Variants in ERBB4 observed in about 807,000 individuals in gnomAD.
ERBB4 encodes receptor tyrosine-protein kinase erbB-4.
A neutral mutation model predicts 158.0 loss-of-function variants in ERBB4; 42 were observed. That is an observed-to-expected ratio of 0.27 (90% CI 0.21 to 0.34). ERBB4 has a LOEUF of 0.34. Among genes scored for constraint, ERBB4 ranks in the 10% least tolerant of loss-of-function variants. ERBB4 has a pLI of 1.00. For missense variants in ERBB4, 1,333 were observed against 1,624.1 expected (o/e 0.82, Z 3.08); for synonymous variants, 583 against 558.7 (o/e 1.04, Z -0.61).
chr2:212,352,643 G>A (rs2089301305), intron 1 of ERBB4, among the ~76,000 whole-genome samples: 1 of 152,204 alleles, frequency 6.6e-6, no homozygotes, highest in African/African-American at 2.4e-5. Context: ...TGAGACGGGA[G>A]GATCACAGGA....
intron 3 of ERBB4, among the ~76,000 whole-genome samples, chr2:211,867,496 C>T (rs1256747027): frequency 6.6e-6 from 1 of 152,148 alleles, no homozygotes; most frequent in Non-Finnish European, 1.5e-5. Flanking sequence ...AGTTTACAAA[C>T]TTCAGTGGCA....
At chr2:211,415,512 A>C (rs1029758474) in intron 25 of ERBB4, among the ~76,000 whole-genome samples, 2 of 152,204 alleles carry the variant, frequency 1.3e-5, no homozygotes, top group African/African-American at 2.4e-5. Flanking sequence ...ACATAGCAAA[A>C]TATAATAAAT....
intron 19 of ERBB4, among the ~76,000 whole-genome samples, chr2:211,567,126 A>T (rs2067572174): frequency 6.6e-6 from 1 of 152,218 alleles, no homozygotes; most frequent in African/African-American, 2.4e-5. Context: ...ATTAATTCTC[A>T]GCTGCAAAAT....
At chr2:212,018,885 G>C (rs773798252) in intron 2 of ERBB4, among the ~76,000 whole-genome samples, 1 of 152,060 alleles carries the variant, frequency 6.6e-6, no homozygotes, top group Admixed American at 6.6e-5. Context: ...ATTTACAAAG[G>C]CATGCACAAA....
intron 1 of ERBB4, among the ~76,000 whole-genome samples, chr2:212,233,430 A>G (rs909174168): frequency 3.3e-5 from 5 of 152,162 alleles, no homozygotes; most frequent in Non-Finnish European, 7.4e-5. Context: ...TATTTTCAAA[A>G]TTTTAATTCC....
intron 1 of ERBB4, among the ~76,000 whole-genome samples, chr2:212,318,713 T>TTA (rs1421942512): frequency 6.6e-6 from 1 of 151,558 alleles, no homozygotes; most frequent in Non-Finnish European, 1.5e-5. Flanking sequence ...TGTTACTAAG[T>TTA]TATATTAATA....
intron 7 of ERBB4, among the ~76,000 whole-genome samples, chr2:211,716,115 C>G (rs751397028): frequency 6.6e-6 from 1 of 152,114 alleles, no homozygotes; most frequent in African/African-American, 2.4e-5. Flanking sequence ...GTAATCCCAG[C>G]ACTTTGGGAG....
intron 1 of ERBB4, among the ~76,000 whole-genome samples, chr2:212,243,751 A>G (rs2084204458): frequency 6.6e-6 from 1 of 152,212 alleles, no homozygotes; most frequent in African/African-American, 2.4e-5. Flanking sequence ...TACATAAGAT[A>G]TCAAATGATG....
At chr2:211,666,633 G>T (rs531826628) in intron 14 of ERBB4, among the ~76,000 whole-genome samples, 4 of 152,074 alleles carry the variant, frequency 2.6e-5, no homozygotes, top group African/African-American at 9.7e-5. Context: ...AGACTTCCCC[G>T]ATGCTTTCAT....
At chr2:212,120,090 GTGTAGGAAACAGAAA>G (rs2079701077) in intron 2 of ERBB4, among the ~76,000 whole-genome samples, 1 of 152,156 alleles carries the variant, frequency 6.6e-6, no homozygotes, top group African/African-American at 2.4e-5. Context: ...ATCAGAAGTA[GTGTAGGAAACAGAAA>G]TGAATGGTTC....
rs747093464 is a variant in ERBB4, at chr2:211,702,078, T to G, written c.1378A>C (p.Ile460Leu). Reference protein sequence around the residue: ...LKEISAGNIYITDNSNLCYYH... With the variant: ...LKEISAGNIYLTDNSNLCYYH... ...TAACACAGGTTGCTGTTGTCAGTAA[T>G]ATAGATGTTTCCTGCGCTGATTTCC... Residue 460 changes from isoleucine to leucine, a missense_variant, in exon 12 of 28, where the codon ATT becomes CTT. By Grantham distance (5) the Ile-to-Leu change is conservative (BLOSUM62 2). Around this residue, in one of 5 missense-constraint regions of ERBB4, gnomAD observed 438 missense variants for 586.9 expected, o/e 0.75. Transcript: ENST00000342788. The G allele has an allele frequency of 6.2e-7, 1 of 1,613,920 alleles. No individual in the cohort carries two copies. The highest frequency in any genetic ancestry group is 8.5e-7 in the Non-Finnish European group (1 of 1,179,822).
At chr2:212,313,239 C>A (rs916441953) in intron 1 of ERBB4, among the ~76,000 whole-genome samples, 1 of 150,556 alleles carries the variant, frequency 6.6e-6, no homozygotes, top group African/African-American at 2.4e-5. Flanking sequence ...TTGAAAAGAG[C>A]CAATAAACAT....
In ERBB4 at chr2:211,982,736, A is replaced by C. The variant is rs540907788; in HGVS notation, c.235-35120T>G. The stretch of plus-strand genomic sequence containing the variant: ...CTGTTTTGCCACTTCATAGAGGTCC[A>C]AGTTAATCCATGGTGAACAAATGGA... On this transcript the variant is annotated intron_variant, in intron 2 of 27. Coordinates refer to ENST00000342788, the MANE Select transcript of ERBB4 (RefSeq NM_005235.3). Among the ~76,000 whole-genome samples the C allele has an allele frequency of 2.7e-3, 408 of 152,334 alleles. 2 individuals carry two copies. Among genetic ancestry groups the C allele is most frequent in the Non-Finnish European group, 4.7e-3 (320 of 68,034 alleles).
intron 3 of ERBB4, among the ~76,000 whole-genome samples, chr2:211,881,509 T>C (rs114040025): frequency 0.015 from 2,266 of 151,268 alleles, 67 homozygotes; most frequent in African/African-American, 0.053. Flanking sequence ...CTTCCCTTTT[T>C]TTGTTAGCAC....
At position 211,580,844 on chromosome 2, in the gene ERBB4, T is replaced by TATTATA. The variant is rs1232460302; in HGVS notation, c.2302-18757_2302-18756insTATAAT. On this transcript the variant is annotated intron_variant, in intron 19 of 27. Coordinates refer to ENST00000342788, the MANE Select transcript of ERBB4 (RefSeq NM_005235.3). ...ATATATTATATATATAGATTATATATTATATATATAGTATGCATATACATA... is the reference window on the plus strand; with the variant it reads ...ATATATTATATATATAGATTATATATATTATATATATATATAGTATGCATATACATA... 8.9e-4 allele frequency among the ~76,000 whole-genome samples: 52 copies of TATTATA among 58,710 alleles called. 6 individuals are homozygous for TATTATA. In the Admixed American group the frequency reaches 0.012, roughly 13 times the overall value. 38.5% of individuals were successfully genotyped at this position (58,710 alleles called of 152,430 possible). A position where few individuals can be genotyped will look rare whatever the true frequency, so the allele number is the denominator to read the frequency against.
intron 2 of ERBB4, among the ~76,000 whole-genome samples, chr2:212,083,324 A>G (rs1405285471): frequency 6.6e-6 from 1 of 151,968 alleles, no homozygotes; most frequent in Non-Finnish European, 1.5e-5. Context: ...AGATGGTGGG[A>G]AAACCATTTA....
rs554759637 is a variant in ERBB4 at position 211,634,295 on chromosome 2, C to T, written c.1947-3701G>A. The stretch of plus-strand genomic sequence containing the variant: ...ATTTCATTTTGTTATTCCCTGTCCA[C>T]TTTTACAATCTAAGTACTTTTGTGT... On this transcript the variant is annotated intron_variant, in intron 16 of 27. Coordinates refer to ENST00000342788, the MANE Select transcript of ERBB4 (RefSeq NM_005235.3). Among the ~76,000 whole-genome samples, 18 of 151,938 alleles carry T rather than the reference C, an allele frequency of 1.2e-4. 1 individual carries two copies. In the South Asian group the frequency reaches 3.7e-3, roughly 32 times the overall value.
intron 25 of ERBB4, among the ~76,000 whole-genome samples, chr2:211,409,876 A>C (rs1212812173): frequency 1.3e-5 from 2 of 152,152 alleles, no homozygotes; most frequent in Non-Finnish European, 2.9e-5. Flanking sequence ...GAAAGGGTTT[A>C]CACTAGAATG....
At chr2:211,508,950 C>A (rs57291299) in intron 20 of ERBB4, among the ~76,000 whole-genome samples, 56,120 of 151,092 alleles carry the variant, frequency 0.37, 10,667 homozygotes, top group African/African-American at 0.44. Flanking sequence ...AACAAAAAAA[C>A]AAAACAAAAA....
Sources: allele counts gnomAD v4.1 joint callset (sites outside exome capture counted in the v4.1 genomes callset), GRCh38; gene constraint gnomAD v4.1.1; regional missense constraint gnomAD v4.1.1; transcripts MANE v1.5; gene names NCBI Gene and HGNC (gene_info 2026-07-23, HGNC 2026-07-21).